The following PRDM5 variants were observed in gnomAD, a reference collection of about 807,000 sequenced individuals.
PRDM5 encodes PR/SET domain 5.
Under a neutral mutation model 81.2 loss-of-function variants are expected in PRDM5, and 56 were observed. The observed-to-expected ratio is 0.69, with a 90% CI of 0.56 to 0.86. The LOEUF (loss-of-function observed/expected upper bound fraction) is 0.86, where lower values mean the gene tolerates loss of function less well. Ranked by LOEUF, PRDM5 falls within the 40% of genes least tolerant of loss-of-function variation. The pLI is 0.00. For synonymous variants in PRDM5, 267 were observed against 256.4 expected (o/e 1.04, Z -0.39); for missense variants, 697 against 770.1 (o/e 0.91, Z 1.12).
intron 1 of PRDM5, among the ~76,000 whole-genome samples, chr4:120,908,708 T>A (rs1446818543): frequency 6.6e-6 from 1 of 152,164 alleles, no homozygotes; most frequent in Non-Finnish European, 1.5e-5. Context: ...CAGAGATTCC[T>A]CAAATCAAGA....
chr4:120,790,930 A>G (rs1484473660), intron 10 of PRDM5, among the ~76,000 whole-genome samples: 2 of 152,014 alleles, frequency 1.3e-5, no homozygotes, highest in Admixed American at 6.6e-5. Flanking sequence ...GTGATAGAGC[A>G]AGACCTTGTC....
chr4:120,869,086 G>C (rs1364162084), intron 2 of PRDM5, among the ~76,000 whole-genome samples: 4 of 152,040 alleles, frequency 2.6e-5, no homozygotes, highest in Non-Finnish European at 5.9e-5. Context: ...TCTATGGCCT[G>C]ACAGATTTTT....
At chr4:120,862,828 G>A (rs541764370) in intron 2 of PRDM5, among the ~76,000 whole-genome samples, 35 of 152,114 alleles carry the variant, frequency 2.3e-4, no homozygotes, top group East Asian at 3.9e-4. Context: ...GTACAGAAAC[G>A]TCACACATGT....
chr4:120,714,676 T>C (rs1402866180), intron 14 of PRDM5, among the ~76,000 whole-genome samples: 1 of 152,176 alleles, frequency 6.6e-6, no homozygotes, highest in Non-Finnish European at 1.5e-5. Context: ...TGCTCGTGGC[T>C]TTTGTTTCCT....
Position 120,861,671 on chromosome 4 carries a change from G to T in PRDM5, c.178-8131C>A, listed in dbSNP as rs185503654. ...AAATTGGCCAGGCTTGGTGGAGCAC[G>T]CCTGTAGTCCCAGCTACTCAGGAGG... On this transcript the variant is annotated intron_variant, in intron 2 of 15. Transcript: ENST00000264808. Among the ~76,000 whole-genome samples, 782 of 151,994 alleles carry T rather than the reference G, an allele frequency of 5.1e-3. 11 individuals carry two copies. Among genetic ancestry groups the T allele is most frequent in the African/African-American group, 0.018 (756 of 41,466 alleles).
intron 2 of PRDM5, among the ~76,000 whole-genome samples, chr4:120,893,513 T>C (rs892859028): frequency 3.3e-5 from 5 of 152,246 alleles, no homozygotes; most frequent in Non-Finnish European, 7.3e-5. Flanking sequence ...ACTCAGCATA[T>C]AGTTAATTTG....
rs185092845 is a variant in PRDM5, at chr4:120,866,732, G to T, written c.178-13192C>A. Among the ~76,000 whole-genome samples, 597 of 152,218 alleles carry T rather than the reference G, an allele frequency of 3.9e-3. 1 individual carries two copies. Among genetic ancestry groups the T allele is most frequent in the Non-Finnish European group, 7.2e-3 (492 of 68,018 alleles). On this transcript the variant is annotated intron_variant, in intron 2 of 15. Coordinates refer to ENST00000264808, the MANE Select transcript of PRDM5 (RefSeq NM_018699.4). ...ACTACCTTAATACACTCACTACCTT[G>T]GTCACTAGTTTGCCAACTGGTAAGC... is the stretch of plus-strand genomic sequence containing the variant.
chr4:120,885,957 C>T (rs1314729019), intron 2 of PRDM5, among the ~76,000 whole-genome samples: 1 of 152,064 alleles, frequency 6.6e-6, no homozygotes, highest in East Asian at 1.9e-4. Context: ...TCAGGTTTTG[C>T]TGAATGACCA....
Position 120,692,444 on chromosome 4 carries a change from A to T in PRDM5, c.*2667T>A, listed in dbSNP as rs1734117488. 1 of 152,052 alleles carries T rather than the reference A, an allele frequency of 6.6e-6. No individual in the cohort carries two copies. Among genetic ancestry groups the T allele is most frequent in the South Asian group, 2.1e-4 (1 of 4,822 alleles). 9.4% of individuals were successfully genotyped at this position (152,052 alleles called of 1,614,324 possible). On this transcript the variant is annotated 3_prime_UTR_variant, in exon 16 of 16. Coordinates refer to ENST00000264808, the MANE Select transcript of PRDM5 (RefSeq NM_018699.4). ...ACCCCAAGAATTTATCACCAAGAAT[A>T]CTTCCATGGTGCAACTGCTGATTAT...
intron 14 of PRDM5, among the ~76,000 whole-genome samples, chr4:120,720,638 T>C (rs1019711809): frequency 6.6e-6 from 1 of 152,202 alleles, no homozygotes; most frequent in African/African-American, 2.4e-5. Flanking sequence ...AGTTTCCCTC[T>C]AACAAGCAGC....
chr4:120,897,406 T>G (rs896533099), intron 2 of PRDM5, among the ~76,000 whole-genome samples: 8 of 152,182 alleles, frequency 5.3e-5, no homozygotes, highest in African/African-American at 1.9e-4. Context: ...ATTGTCTTGG[T>G]TTAAGTAGTT....
At chr4:120,766,200 T>A (rs1229542058) in intron 13 of PRDM5, among the ~76,000 whole-genome samples, 1 of 152,162 alleles carries the variant, frequency 6.6e-6, no homozygotes, top group African/African-American at 2.4e-5. Flanking sequence ...CCTCAGGTGA[T>A]CCCCTGCCTC....
chr4:120,814,330 A>G (rs951356495), intron 7 of PRDM5, among the ~76,000 whole-genome samples: 12 of 152,208 alleles, frequency 7.9e-5, no homozygotes, highest in African/African-American at 2.9e-4. Flanking sequence ...TTTCCTATTT[A>G]GGTAAATCTG....
chr4:120,785,034 G>C lies in PRDM5; in HGVS notation c.1246C>G (p.Pro416Ala). The C allele has an allele frequency of 2.5e-6, 4 of 1,611,442 alleles. No homozygotes were observed. The highest frequency in any genetic ancestry group is 2.5e-6 in the Non-Finnish European group (3 of 1,177,880). ...AGCAGGTGTCTCTGTAAAGAAAATG[G>C]GGTCCGGAACAAAGCTTTACATTCT... ...CEECKALFRT[P>A]FSLQRHLLIH... is the part of the protein sequence containing the mutation. The change falls in exon 11 of 16, where the codon CCA becomes GCA. Residue 416 changes from proline to alanine, a missense_variant. Transcript: ENST00000264808.
chr4:120,890,679 T>A (rs1055386278), intron 2 of PRDM5, among the ~76,000 whole-genome samples: 1 of 152,242 alleles, frequency 6.6e-6, no homozygotes, highest in Non-Finnish European at 1.5e-5. Context: ...TGGTGTGGGA[T>A]GGTATCTCAT....
intron 2 of PRDM5, among the ~76,000 whole-genome samples, chr4:120,855,577 A>G (rs1759779681): frequency 6.6e-6 from 1 of 152,222 alleles, no homozygotes; most frequent in South Asian, 2.1e-4. Context: ...CTCTGCCTCA[A>G]TGGGCATGTC....
chr4:120,770,102 G>T (rs1333512605), intron 13 of PRDM5, among the ~76,000 whole-genome samples: 2 of 152,058 alleles, frequency 1.3e-5, no homozygotes, highest in Non-Finnish European at 1.5e-5. Flanking sequence ...GCGTGATCTT[G>T]GTTCACTGCA....
chr4:120,719,861 T>A (rs1738330442), intron 14 of PRDM5, among the ~76,000 whole-genome samples: 1 of 152,204 alleles, frequency 6.6e-6, no homozygotes, highest in Non-Finnish European at 1.5e-5. Context: ...AACTTAAAAA[T>A]ATCGCCATTA....
intron 2 of PRDM5, among the ~76,000 whole-genome samples, chr4:120,859,146 G>A (rs534316864): frequency 6.6e-6 from 1 of 152,026 alleles, no homozygotes; most frequent in Non-Finnish European, 1.5e-5. Flanking sequence ...AACGGCTACA[G>A]GCACCTTAAA....
Sources: allele counts gnomAD v4.1 joint callset (sites outside exome capture counted in the v4.1 genomes callset), GRCh38; gene constraint gnomAD v4.1.1; transcripts MANE v1.5; gene names NCBI Gene and HGNC (gene_info 2026-07-23, HGNC 2026-07-21).